SEMA3D: variants seen among roughly 807,000 people sequenced by gnomAD.
The protein encoded by SEMA3D is semaphorin 3D, also known as semaphorin-3D.
A neutral mutation model predicts 100.1 loss-of-function variants in SEMA3D; 84 were observed. That is an observed-to-expected ratio of 0.84 (90% CI 0.70 to 1.01). The LOEUF (loss-of-function observed/expected upper bound fraction) is 1.01, where lower values mean the gene tolerates loss of function less well. Ranked by LOEUF, SEMA3D falls within the 50% of genes least tolerant of loss-of-function variation. The pLI is 0.00. For missense variants in SEMA3D, 875 were observed against 934.1 expected, an observed-to-expected ratio of 0.94 and a Z score of 0.82; for synonymous variants, 312 against 320.7, an observed-to-expected ratio of 0.97 and a Z score of 0.29.
chr7:85,200,808 G>T, the SEMA3D span, among the ~76,000 whole-genome samples: 1 of 152,164 alleles, frequency 6.6e-6, no homozygotes, highest in Non-Finnish European at 1.5e-5. Flanking sequence ...GGTTTAGTGG[G>T]CCAGGCCCAG....
chr7:85,221,891 A>T, the SEMA3D span, among the ~76,000 whole-genome samples: 1 of 152,038 alleles, frequency 6.6e-6, no homozygotes, highest in Admixed American at 6.6e-5. Context: ...ACTCAAATTT[A>T]TCACACATAG....
chr7:85,118,510 T>C (rs1286843552), intron 3 of SEMA3D, among the ~76,000 whole-genome samples: 1 of 152,180 alleles, frequency 6.6e-6, no homozygotes, highest in Non-Finnish European at 1.5e-5. Context: ...CTGGCAGATA[T>C]TGAGTTTACT....
chr7:85,112,705 A>G (rs566608671), intron 3 of SEMA3D, among the ~76,000 whole-genome samples: 1 of 152,262 alleles, frequency 6.6e-6, no homozygotes, highest in Non-Finnish European at 1.5e-5. Flanking sequence ...TATAAAAACA[A>G]TGTTGTGAGA....
chr7:85,005,800 A>C (rs186760416), intron 18 of SEMA3D, among the ~76,000 whole-genome samples: 148 of 152,132 alleles, frequency 9.7e-4, no homozygotes, highest in South Asian at 9.1e-3. Context: ...ATGTTCAAAA[A>C]TGTCTCCAGA....
chr7:85,069,878 T>G (rs1170544679), intron 6 of SEMA3D, among the ~76,000 whole-genome samples: 1 of 152,170 alleles, frequency 6.6e-6, no homozygotes, highest in Non-Finnish European at 1.5e-5. Context: ...AAATATTATT[T>G]TATAGAAATA....
chr7:85,139,516 G>T (rs945111056), intron 2 of SEMA3D, among the ~76,000 whole-genome samples: 2 of 151,818 alleles, frequency 1.3e-5, no homozygotes. Context: ...TAATATTTCT[G>T]TCTTTTTCAC....
intron 1 of SEMA3D, among the ~76,000 whole-genome samples, chr7:85,160,916 G>T (rs567106212): frequency 2.8e-4 from 43 of 151,972 alleles, no homozygotes; most frequent in Admixed American, 4.6e-4. Context: ...AAGAATAATT[G>T]CAATGAAGCA....
upstream of SEMA3D, among the ~76,000 whole-genome samples, chr7:85,189,089 G>A (rs1289846548): frequency 3.3e-5 from 5 of 152,052 alleles, no homozygotes; most frequent in African/African-American, 7.2e-5. Flanking sequence ...CATCTGGAAC[G>A]TGAATTCTGT....
the SEMA3D span, among the ~76,000 whole-genome samples, chr7:85,211,783 T>C: frequency 3.3e-5 from 5 of 152,104 alleles, no homozygotes; most frequent in Non-Finnish European, 5.9e-5. Flanking sequence ...ATGAAGATCG[T>C]TGTGATGATC....
At chr7:85,175,717 T>C (rs997205417) in intron 1 of SEMA3D, among the ~76,000 whole-genome samples, 58 of 152,244 alleles carry the variant, frequency 3.8e-4, no homozygotes, top group Middle Eastern at 6.8e-3. Context: ...AGGTCATTTT[T>C]CAGACAGAAT....
the SEMA3D span, among the ~76,000 whole-genome samples, chr7:85,241,796 AC>A: frequency 6.6e-6 from 1 of 151,844 alleles, no homozygotes. Flanking sequence ...GTAACCAAAT[AC>A]CACTGTTTTC....
chr7:85,245,448 T>C, the SEMA3D span, among the ~76,000 whole-genome samples: 1 of 152,168 alleles, frequency 6.6e-6, no homozygotes, highest in African/African-American at 2.4e-5. Flanking sequence ...TGAAAACAAA[T>C]ATTCTAAAAG....
chr7:85,140,965 T>TA (rs1790031965), intron 2 of SEMA3D: 1 of 578,062 alleles, frequency 1.7e-6, no homozygotes, highest in Non-Finnish European at 2.2e-6. Flanking sequence ...TCTATGCATA[T>TA]ACATAAATGT....
At chr7:85,055,889 A>C (rs1157165882) in intron 8 of SEMA3D, 30 bp from the exon 9 acceptor site, 4 of 1,304,128 alleles carry the variant, frequency 3.1e-6, no homozygotes, top group Non-Finnish European at 4.3e-6. Context: ...CTATAAATTA[A>C]GATACTGAAA....
chr7:85,098,988 G>A (rs1004920553), intron 3 of SEMA3D, among the ~76,000 whole-genome samples: 6 of 151,878 alleles, frequency 4.0e-5, no homozygotes, highest in African/African-American at 9.7e-5. Flanking sequence ...TTTGCTCCAT[G>A]TTTTCATGGC....
intron 1 of SEMA3D, among the ~76,000 whole-genome samples, chr7:85,184,501 T>C (rs947046775): frequency 6.6e-6 from 1 of 152,124 alleles, no homozygotes; most frequent in Non-Finnish European, 1.5e-5. Flanking sequence ...GTTTTTTTTT[T>C]CTTTTCTGTT....
intron 6 of SEMA3D, among the ~76,000 whole-genome samples, chr7:85,072,619 T>C (rs1367776963): frequency 1.3e-5 from 2 of 152,232 alleles, no homozygotes; most frequent in African/African-American, 4.8e-5. Context: ...AGAAAAAACA[T>C]TTTTAAACAT....
chr7:85,107,434 T>C (rs964982011), intron 3 of SEMA3D, among the ~76,000 whole-genome samples: 3 of 152,128 alleles, frequency 2.0e-5, no homozygotes, highest in Admixed American at 2.0e-4. Flanking sequence ...TCAGGTACTA[T>C]TCAGCAGGTA....
the SEMA3D span, among the ~76,000 whole-genome samples, chr7:85,206,137 T>A: frequency 6.6e-6 from 1 of 152,238 alleles, no homozygotes; most frequent in East Asian, 1.9e-4. Flanking sequence ...GGTGCATGGT[T>A]AGGGGCATAG....
Sources: gnomAD v4.1 joint callset for allele counts (sites outside exome capture counted in the v4.1 genomes callset) on GRCh38, gnomAD v4.1.1 for gene constraint, MANE v1.5 for transcripts, NCBI Gene and HGNC (gene_info 2026-07-23, HGNC 2026-07-21) for gene names.